NECTIN3: variants seen among roughly 807,000 people sequenced by gnomAD.
NECTIN3 encodes nectin cell adhesion molecule 3.
A neutral mutation model predicts 49.4 loss-of-function variants in NECTIN3; 8 were observed. The observed-to-expected ratio is 0.16, with a 90% CI of 0.10 to 0.29. NECTIN3 has a LOEUF of 0.29. Ranked by LOEUF, NECTIN3 falls within the 10% of genes least tolerant of loss-of-function variation. NECTIN3 has a pLI of 1.00. For missense variants in NECTIN3, 581 were observed against 654.6 expected, an observed-to-expected ratio of 0.89 and a Z score of 1.23; for synonymous variants, 277 against 241.1, an observed-to-expected ratio of 1.15 and a Z score of -1.38.
At position 111,135,227 on chromosome 3, in the gene NECTIN3, G is replaced by A. The variant is rs1370; in HGVS notation, c.*1012G>A. 2 of 972,358 alleles carry A rather than the reference G, an allele frequency of 2.1e-6. No homozygotes were observed. The highest frequency in any genetic ancestry group is 1.1e-4 in the East Asian group (1 of 8,708). The allele number at this position is 972,358 out of a possible 1,614,324, so 60.2% of individuals were successfully genotyped here. ...AAATGTACAGAAAGAAAATTTTAGA[G>A]TAAACTTGGAACTTTGGATATAACT... On this transcript the variant is annotated 3_prime_UTR_variant, in exon 6 of 6. Transcript: ENST00000485303.
At chr3:111,089,009 G>A (rs1048765122) in intron 1 of NECTIN3, among the ~76,000 whole-genome samples, 2 of 152,060 alleles carry the variant, frequency 1.3e-5, no homozygotes, top group African/African-American at 4.8e-5. Flanking sequence ...TAGTCAGATT[G>A]ATTGTGTCAT....
rs988251631 is a variant in NECTIN3 at position 111,072,611 on chromosome 3, G to GC, written c.160+436dup. 47 of 1,521,580 alleles carry GC rather than the reference G, an allele frequency of 3.1e-5. No homozygotes were observed. In the African/African-American group the frequency reaches 5.7e-4, roughly 18 times the overall value. 94.3% of individuals were successfully genotyped at this position (1,521,580 alleles called of 1,614,324 possible). ...AGGGACCGGAGCCCGATGGAATGAA[G>GC]CCTCCGGGTCCACTTCTCATGGCCT... On this transcript the variant is annotated intron_variant, in intron 1 of 5. Transcript: ENST00000485303.
chr3:111,131,235 ATT>A (rs1436541218), intron 5 of NECTIN3, among the ~76,000 whole-genome samples: 2 of 152,008 alleles, frequency 1.3e-5, no homozygotes, highest in Non-Finnish European at 2.9e-5. Context: ...AAAGTTCTTC[ATT>A]TGGGTGAGAA....
At chr3:111,130,962 C>T (rs574975143) in intron 5 of NECTIN3, among the ~76,000 whole-genome samples, 148 of 152,072 alleles carry the variant, frequency 9.7e-4, no homozygotes, top group Non-Finnish European at 1.9e-3. Flanking sequence ...ACTCTTATTC[C>T]TGTGCACAGC....
At chr3:111,157,781 A>T (rs1354252756) in intron 7 of NECTIN3, among the ~76,000 whole-genome samples, 1 of 151,808 alleles carries the variant, frequency 6.6e-6, no homozygotes, top group Non-Finnish European at 1.5e-5. Flanking sequence ...CTACATCTTG[A>T]CTCCTTTTTT....
intron 4 of NECTIN3, 56 bp from the exon 5 acceptor site, chr3:111,126,128 G>GTCAA: frequency 8.0e-7 from 1 of 1,249,838 alleles, no homozygotes; most frequent in Non-Finnish European, 1.1e-6. Context: ...TTAACTAGCT[G>GTCAA]TCAATAAATA....
chr3:111,125,737 G>A (rs1164620613), intron 4 of NECTIN3, among the ~76,000 whole-genome samples: 1 of 152,128 alleles, frequency 6.6e-6, no homozygotes, highest in African/African-American at 2.4e-5. Flanking sequence ...ATGTTATAGA[G>A]GGTGCTAAAA....
At chr3:111,183,057 A>G (rs547122735) in intron 7 of NECTIN3, among the ~76,000 whole-genome samples, 1 of 152,072 alleles carries the variant, frequency 6.6e-6, no homozygotes, top group Non-Finnish European at 1.5e-5. Flanking sequence ...TACTTCATAT[A>G]TATTAGATGA....
intron 1 of NECTIN3, among the ~76,000 whole-genome samples, chr3:111,100,723 C>T (rs2032860059): frequency 6.8e-6 from 1 of 147,974 alleles, no homozygotes; most frequent in Non-Finnish European, 1.5e-5. Flanking sequence ...TTTTTAAAAA[C>T]TAATTTTGAA....
downstream of NECTIN3, among the ~76,000 whole-genome samples, chr3:111,141,946 G>C (rs2034756896): frequency 2.0e-5 from 3 of 151,816 alleles, no homozygotes; most frequent in South Asian, 4.1e-4. Context: ...TTGGGATATA[G>C]AGTCTATGAA....
At chr3:111,096,872 G>T (rs1576093441) in intron 1 of NECTIN3, among the ~76,000 whole-genome samples, 1 of 152,200 alleles carries the variant, frequency 6.6e-6, no homozygotes, top group African/African-American at 2.4e-5. Context: ...CAGGGTTGGG[G>T]CCCTCATGGA....
chr3:111,074,459 T>A (rs371823537), intron 1 of NECTIN3, among the ~76,000 whole-genome samples: 1 of 152,162 alleles, frequency 6.6e-6, no homozygotes, highest in Non-Finnish European at 1.5e-5. Context: ...TTATGACATA[T>A]AGATTTTTCC....
intron 3 of NECTIN3, among the ~76,000 whole-genome samples, chr3:111,121,340 T>C (rs1199592251): frequency 6.6e-6 from 1 of 152,106 alleles, no homozygotes; most frequent in Non-Finnish European, 1.5e-5. Flanking sequence ...CTAAGTGCCA[T>C]GCCTGGCACT....
intron 2 of NECTIN3, among the ~76,000 whole-genome samples, chr3:111,115,642 C>A (rs1485849263): frequency 6.6e-6 from 1 of 152,136 alleles, no homozygotes; most frequent in Non-Finnish European, 1.5e-5. Context: ...TCACGGCTGA[C>A]CTGATTTAGA....
chr3:111,115,151 C>T (rs1396342762), intron 2 of NECTIN3, among the ~76,000 whole-genome samples: 6 of 152,172 alleles, frequency 3.9e-5, no homozygotes, highest in Non-Finnish European at 7.4e-5. Flanking sequence ...TTGTTAAACT[C>T]ATAATGTCTC....
In NECTIN3 at chr3:111,071,989, G is replaced by C; in HGVS notation, c.-29G>C. The C allele has an allele frequency of 7.1e-7, 1 of 1,417,264 alleles. No individual in the cohort carries two copies. The highest frequency in any genetic ancestry group is 9.2e-7 in the Non-Finnish European group (1 of 1,082,614). The allele number at this position is 1,417,264 out of a possible 1,614,324, so 87.8% of individuals were successfully genotyped here. A position where few individuals can be genotyped will look rare whatever the true frequency, so the allele number is the denominator to read the frequency against. Reference sequence around the variant, plus strand: ...GGGCCGGGGGAGCCGGGGGGCGGGCGGGCGAGCGGGCCGGGGGGAGGGTGG... The same window carrying C: ...GGGCCGGGGGAGCCGGGGGGCGGGCCGGCGAGCGGGCCGGGGGGAGGGTGG... On this transcript the variant is annotated 5_prime_UTR_variant, in exon 1 of 6. Transcript: ENST00000485303.
chr3:111,158,109 G>T (rs754533504), intron 7 of NECTIN3, among the ~76,000 whole-genome samples: 1 of 151,934 alleles, frequency 6.6e-6, no homozygotes, highest in Non-Finnish European at 1.5e-5. Flanking sequence ...ATTAAACATT[G>T]TCTTATGGTT....
chr3:111,072,768 C>T (rs1181310228), intron 1 of NECTIN3: 1 of 553,498 alleles, frequency 1.8e-6, no homozygotes, highest in Non-Finnish European at 3.1e-6. Context: ...TGACCCTCGT[C>T]CCTGCCCTCC....
At chr3:111,141,683 A>T (rs542379677), downstream of NECTIN3, among the ~76,000 whole-genome samples, 29 of 152,014 alleles carry the variant, frequency 1.9e-4, no homozygotes, top group South Asian at 5.8e-3. Flanking sequence ...AGTGAATATG[A>T]GTTACCATTA....
Sources: gnomAD v4.1 joint callset for allele counts (sites outside exome capture counted in the v4.1 genomes callset) on GRCh38, gnomAD v4.1.1 for gene constraint, MANE v1.5 for transcripts, NCBI Gene and HGNC (gene_info 2026-07-23, HGNC 2026-07-21) for gene names.